The following TWIST2 variants were observed in gnomAD, a reference collection of about 807,000 sequenced individuals.
The protein encoded by TWIST2 is twist-related protein 2.
TWIST2 carries 1 observed loss-of-function variant against 11.6 expected under a neutral mutation model. The ratio of observed to expected loss-of-function variants is 0.09; its 90% CI spans 0.03 to 0.41. The LOEUF is 0.41. Ranked by LOEUF, TWIST2 falls within the 10% of genes least tolerant of loss-of-function variation. The pLI is 0.98. For missense variants in TWIST2, 168 were observed against 226.4 expected, an observed-to-expected ratio of 0.74 and a Z score of 1.66; for synonymous variants, 87 against 96.6, an observed-to-expected ratio of 0.90 and a Z score of 0.58.
chr2:238,874,692 C>T (rs1173935289), intron 1 of TWIST2, among the ~76,000 whole-genome samples: 2 of 152,174 alleles, frequency 1.3e-5, no homozygotes, highest in African/African-American at 4.8e-5. Flanking sequence ...TGGTACTTTG[C>T]TTGTTTCTTG....
intron 1 of TWIST2, among the ~76,000 whole-genome samples, chr2:238,900,458 T>A (rs2106372787): frequency 6.6e-6 from 1 of 152,298 alleles, no homozygotes; most frequent in East Asian, 1.9e-4. Flanking sequence ...ACATTCTTAT[T>A]TGCTTGTTTT....
At chr2:238,870,859 T>C (rs1337313249) in intron 1 of TWIST2, among the ~76,000 whole-genome samples, 18 of 20,618 alleles carry the variant, frequency 8.7e-4, no homozygotes, top group Non-Finnish European at 1.2e-3. Context: ...ACACACACCT[T>C]ACCCCACACA....
At chr2:238,902,434 GTGAT>G (rs1290874598) in intron 1 of TWIST2, among the ~76,000 whole-genome samples, 2,019 of 151,288 alleles carry the variant, frequency 0.013, 43 homozygotes, top group African/African-American at 0.046. Context: ...TGATAAGTGT[GTGAT>G]ATGGGATGTA....
At chr2:238,884,731 C>T (rs948334455) in intron 1 of TWIST2, among the ~76,000 whole-genome samples, 1 of 152,178 alleles carries the variant, frequency 6.6e-6, no homozygotes, top group African/African-American at 2.4e-5. Flanking sequence ...AGACCTAGCC[C>T]CCAGTGCTGG....
chr2:238,900,375 C>T (rs1183179800), intron 1 of TWIST2, among the ~76,000 whole-genome samples: 6 of 152,310 alleles, frequency 3.9e-5, no homozygotes, highest in African/African-American at 1.4e-4. Context: ...GGGTTGCACA[C>T]CCCCTGGACT....
chr2:238,886,801 C>T (rs1178400931), intron 1 of TWIST2: 3 of 152,156 alleles, frequency 2.0e-5, no homozygotes, highest in Non-Finnish European at 4.4e-5. Flanking sequence ...ATGATGCTGC[C>T]ATTGCCAGAC....
rs1460021558 is a variant in TWIST2 at position 238,848,179 on chromosome 2, C to T, written c.-37C>T. ...TGGCCAGCGGCGCGCGCTCGGCGCC[C>T]CGGCGCCCCCAGCCCCACGCGCGCC... is the stretch of plus-strand genomic sequence containing the variant. On this transcript the variant is annotated 5_prime_UTR_variant, in exon 1 of 2. Transcript: ENST00000612363. 4 of 1,216,396 alleles carry T rather than the reference C, an allele frequency of 3.3e-6. No homozygotes were observed. The highest frequency in any genetic ancestry group is 4.1e-6 in the Non-Finnish European group (4 of 979,018). 75.4% of individuals were successfully genotyped at this position (1,216,396 alleles called of 1,614,324 possible).
At chr2:238,853,407 G>C (rs959031741) in intron 1 of TWIST2, among the ~76,000 whole-genome samples, 3 of 149,106 alleles carry the variant, frequency 2.0e-5, no homozygotes, top group African/African-American at 7.5e-5. Flanking sequence ...GAGAGAGGGA[G>C]AGAGGGAGAG....
intron 1 of TWIST2, among the ~76,000 whole-genome samples, chr2:238,902,649 GTGTGTGTGTGA>G (rs1368461547): frequency 1.1e-4 from 15 of 138,990 alleles, no homozygotes; most frequent in Admixed American, 7.1e-4. Flanking sequence ...GTGTGTGATG[GTGTGTGTGTGA>G]TGTGTGTGTG....
intron 1 of TWIST2, among the ~76,000 whole-genome samples, chr2:238,885,543 T>C (rs972070369): frequency 6.6e-6 from 1 of 152,074 alleles, no homozygotes; most frequent in Non-Finnish European, 1.5e-5. Flanking sequence ...CGTACCAGTG[T>C]CTTGTGGGTG....
chr2:238,906,596 C>T (rs1363274902), intron 1 of TWIST2, among the ~76,000 whole-genome samples: 1 of 151,660 alleles, frequency 6.6e-6, no homozygotes, highest in African/African-American at 2.4e-5. Context: ...CATGGACACA[C>T]ACTCACTCTG....
intron 1 of TWIST2, chr2:238,886,934 A>G (rs1693048299): frequency 1.3e-5 from 2 of 152,200 alleles, no homozygotes; most frequent in South Asian, 4.1e-4. Flanking sequence ...CATTTGTAAC[A>G]ACCCAGGACA....
chr2:238,867,414 C>CACACACACACACACACACACA lies in TWIST2; in HGVS notation c.*35+18681_*35+18682insACACACACACACACACACACA, dbSNP rs1255819451. On this transcript the variant is annotated intron_variant, in intron 1 of 1. Coordinates refer to ENST00000612363, the MANE Select transcript of TWIST2 (RefSeq NM_001271893.4). This position sits in a 1 kb window ranked among gnomAD's most constrained non-coding sequence, Gnocchi z 4.8. Reference sequence around the variant, plus strand: ...ACACACACACACACACACACACACTCCTCAGTAAAATACCCAGTTCTCACC... The same window carrying CACACACACACACACACACACA: ...ACACACACACACACACACACACACTCACACACACACACACACACACACTCAGTAAAATACCCAGTTCTCACC... 2.7e-5 allele frequency among the ~76,000 whole-genome samples: 4 copies of CACACACACACACACACACACA among 147,450 alleles called. No homozygotes were observed. Among genetic ancestry groups the CACACACACACACACACACACA allele is most frequent in the Admixed American group, 6.7e-5 (1 of 14,980 alleles).
chr2:238,861,917 T>C (rs148412610), intron 1 of TWIST2, among the ~76,000 whole-genome samples: 3,917 of 152,270 alleles, frequency 0.026, 172 homozygotes, highest in African/African-American at 0.088. Flanking sequence ...ATACAGTATA[T>C]ATAGGGTTCC....
chr2:238,886,656 A>AGT (rs1440312941), intron 1 of TWIST2: 3 of 151,912 alleles, frequency 2.0e-5, no homozygotes, highest in African/African-American at 7.3e-5. Context: ...CTACCGGTTG[A>AGT]GTGGAGCGAA....
intron 1 of TWIST2, among the ~76,000 whole-genome samples, chr2:238,851,786 AAT>A (rs1476979900): frequency 6.6e-6 from 1 of 152,214 alleles, no homozygotes; most frequent in African/African-American, 2.4e-5. Flanking sequence ...GAAGAAGTAG[AAT>A]GAAAGGCTGA....
intron 1 of TWIST2, among the ~76,000 whole-genome samples, chr2:238,868,013 G>A (rs866928354): frequency 1.2e-4 from 19 of 152,180 alleles, no homozygotes; most frequent in African/African-American, 4.3e-4. Flanking sequence ...AAGAAAGATA[G>A]AAAAAATAAA....
intron 1 of TWIST2, among the ~76,000 whole-genome samples, chr2:238,858,614 C>A (rs1559268550): frequency 6.6e-6 from 1 of 152,142 alleles, no homozygotes; most frequent in Non-Finnish European, 1.5e-5. Context: ...CTTGCAGTTT[C>A]CCATGTGGTC....
intron 1 of TWIST2, among the ~76,000 whole-genome samples, chr2:238,882,174 A>G (rs774793058): frequency 6.6e-6 from 1 of 151,864 alleles, no homozygotes; most frequent in Non-Finnish European, 1.5e-5. Flanking sequence ...ACCAAGCCCC[A>G]CTTGCCTTCT....
Sources: gnomAD v4.1 joint callset for allele counts (sites outside exome capture counted in the v4.1 genomes callset) on GRCh38, gnomAD v4.1.1 for gene constraint, Gnocchi (gnomAD v3.1) non-coding constraint, MANE v1.5 for transcripts, NCBI Gene and HGNC (gene_info 2026-07-23, HGNC 2026-07-21) for gene names.